Variants in PPFIA2 observed in about 807,000 individuals in gnomAD.
The protein encoded by PPFIA2 is PPFI scaffold protein A2.
Under a neutral mutation model 175.5 loss-of-function variants are expected in PPFIA2, and 46 were observed. The observed-to-expected ratio is 0.26, with a 90% CI of 0.21 to 0.34. The LOEUF is 0.34. Ranked by LOEUF, PPFIA2 falls within the 10% of genes least tolerant of loss-of-function variation. The probability of loss-of-function intolerance (pLI) is 1.00; values close to 1 mark genes in which losing one functional copy is unlikely to be tolerated. For synonymous variants in PPFIA2, 568 were observed against 511.4 expected (o/e 1.11, Z -1.49); for missense variants, 1,179 against 1,506.1 (o/e 0.78, Z 3.60).
chr12:81,513,499 C>G (rs1258640549), intron 4 of PPFIA2, among the ~76,000 whole-genome samples: 9 of 151,950 alleles, frequency 5.9e-5, no homozygotes, highest in Non-Finnish European at 5.9e-5. Context: ...TGGAACCAAC[C>G]TAAGTTCCCA....
At chr12:81,490,265 G>A (rs2059286388) in intron 4 of PPFIA2, among the ~76,000 whole-genome samples, 1 of 151,872 alleles carries the variant, frequency 6.6e-6, no homozygotes, top group Non-Finnish European at 1.5e-5. Context: ...TGCGAATATT[G>A]CTTTGTAGGA....
intron 28 of PPFIA2, among the ~76,000 whole-genome samples, chr12:81,273,022 T>C (rs570202875): frequency 9.8e-5 from 15 of 152,318 alleles, no homozygotes; most frequent in African/African-American, 3.6e-4. Context: ...ACCCTAGTCC[T>C]ACGGTGTGTT....
At position 81,452,116 on chromosome 12, in the gene PPFIA2, A is replaced by C. The variant is rs1031287695; in HGVS notation, c.405+5649T>G. The stretch of plus-strand genomic sequence containing the variant: ...TATATTCACACACAGACACACACAC[A>C]CACACCCACACAAACCCACACATCA... On this transcript the variant is annotated intron_variant, in intron 5 of 32. Transcript: ENST00000549396. Among the ~76,000 whole-genome samples the C allele has an allele frequency of 2.6e-5, 4 of 152,222 alleles. No homozygotes were observed. The South Asian group carries it at 8.3e-4, about 32-fold the overall frequency.
chr12:81,360,307 G>T (rs2061424267), intron 15 of PPFIA2, among the ~76,000 whole-genome samples: 1 of 151,780 alleles, frequency 6.6e-6, no homozygotes, highest in African/African-American at 2.4e-5. Context: ...CACAAAATAG[G>T]CATCAGTTCC....
chr12:81,706,478 C>T (rs1015233435), intron 3 of PPFIA2, among the ~76,000 whole-genome samples: 4 of 152,090 alleles, frequency 2.6e-5, no homozygotes, highest in African/African-American at 7.2e-5. Flanking sequence ...AAAAATTATA[C>T]AAAAATGCAT....
intron 4 of PPFIA2, among the ~76,000 whole-genome samples, chr12:81,656,800 C>T (rs1220276015): frequency 6.6e-6 from 1 of 151,586 alleles, no homozygotes; most frequent in African/African-American, 2.4e-5. Context: ...TTTAACTCCT[C>T]TTCCTATAAT....
chr12:81,663,471 C>T (rs1405345110), intron 4 of PPFIA2, among the ~76,000 whole-genome samples: 4 of 152,110 alleles, frequency 2.6e-5, no homozygotes, highest in Non-Finnish European at 5.9e-5. Context: ...ACCTAGGAAT[C>T]CAACTTACAA....
At chr12:81,427,206 T>C (rs938229256) in intron 7 of PPFIA2, among the ~76,000 whole-genome samples, 13 of 151,902 alleles carry the variant, frequency 8.6e-5, no homozygotes, top group African/African-American at 2.9e-4. Context: ...CAGGAGGAAA[T>C]ATTGTTGGGA....
chr12:81,272,932 G>C (rs536474032), intron 28 of PPFIA2, among the ~76,000 whole-genome samples: 10 of 152,116 alleles, frequency 6.6e-5, no homozygotes, highest in African/African-American at 2.4e-4. Context: ...TCTGTAATAT[G>C]TTCTAAACCT....
rs374291499 is a variant in PPFIA2 at position 81,405,871 on chromosome 12, T to C, written c.678A>G (p.Ile226Met). 1.3e-6 allele frequency: 2 copies of C among 1,574,908 alleles called. No homozygotes were observed. Among genetic ancestry groups the C allele is most frequent in the Non-Finnish European group, 1.7e-6 (2 of 1,158,118 alleles). The part of the protein sequence containing the change: ...IVALREQNVH[I>M]QRKMASSEGS... ...CCTCGCTTGATGCCATTTTTCTTTG[T>C]ATATGAACATTTTGTTCACGCAAGG... Residue 226 changes from isoleucine (I) to methionine (M), a missense_variant, in exon 8 of 33, where the codon ATA becomes ATG. Transcript: ENST00000549396.
Position 81,266,988 on chromosome 12 carries a change from G to C in PPFIA2, c.3519C>G (p.Asn1173Lys). The C allele has an allele frequency of 6.2e-7, 1 of 1,612,936 alleles. No homozygotes were observed. Among genetic ancestry groups the C allele is most frequent in the Non-Finnish European group, 8.5e-7 (1 of 1,179,340 alleles). ...ARQILEREYN[N>K]LLALGTERRL... ...GCCTTTCAGTTCCCAGGGCCAAGAG[G>C]TTATTGTATTCTCTTTCAAGAATCT... The change falls in exon 30 of 33, where the codon AAC becomes AAG. Residue 1173 changes from asparagine to lysine, a missense_variant. Transcript: ENST00000549396.
At chr12:81,738,876 A>T (rs935235874) in intron 3 of PPFIA2, among the ~76,000 whole-genome samples, 1 of 151,940 alleles carries the variant, frequency 6.6e-6, no homozygotes, top group African/African-American at 2.4e-5. Context: ...TTGAAATTAG[A>T]AATATAGAAA....
intron 27 of PPFIA2, 104 bp downstream of exon 27, chr12:81,281,153 A>C (rs563461866): frequency 1.1e-6 from 1 of 875,724 alleles, no homozygotes; most frequent in East Asian, 2.7e-5. Context: ...CAAATGACAT[A>C]TATTTTCTGT....
At chr12:81,700,430 C>T (rs748418061) in intron 3 of PPFIA2, among the ~76,000 whole-genome samples, 1 of 151,824 alleles carries the variant, frequency 6.6e-6, no homozygotes, top group Admixed American at 6.6e-5. Context: ...TTTTGTCTAC[C>T]AAATATAAAA....
chr12:81,317,865 A>C (rs1441724233), intron 22 of PPFIA2, among the ~76,000 whole-genome samples: 1 of 151,688 alleles, frequency 6.6e-6, no homozygotes, highest in Non-Finnish European at 1.5e-5. Flanking sequence ...CAATTTAAAA[A>C]GCAGGTAGTT....
chr12:81,719,444 A>C (rs1384294106), intron 3 of PPFIA2, among the ~76,000 whole-genome samples: 1 of 151,486 alleles, frequency 6.6e-6, no homozygotes, highest in Non-Finnish European at 1.5e-5. Flanking sequence ...TTTGCTATTA[A>C]AAAGTTCTCT....
intron 4 of PPFIA2, among the ~76,000 whole-genome samples, chr12:81,466,876 TATATA>T (rs979682113): frequency 2.6e-3 from 376 of 147,200 alleles, no homozygotes; most frequent in Non-Finnish European, 4.9e-3. Flanking sequence ...ATTTTTAATA[TATATA>T]ATATATTATA....
chr12:81,281,234 G>GA (rs750050435), intron 27 of PPFIA2, 23 bp downstream of exon 27: 66 of 1,487,930 alleles, frequency 4.4e-5, no homozygotes, highest in South Asian at 1.3e-4. Context: ...ATTCTTTGGG[G>GA]AAAAAAAAGA....
chr12:81,688,763 T>C (rs1419626126), intron 3 of PPFIA2, among the ~76,000 whole-genome samples: 1 of 148,052 alleles, frequency 6.8e-6, no homozygotes, highest in Non-Finnish European at 1.5e-5. Flanking sequence ...GCAGAATTTT[T>C]TGTGAACTGA....
Sources: gnomAD v4.1 joint callset for allele counts (sites outside exome capture counted in the v4.1 genomes callset) on GRCh38, gnomAD v4.1.1 for gene constraint, MANE v1.5 for transcripts, NCBI Gene and HGNC (gene_info 2026-07-23, HGNC 2026-07-21) for gene names.